The following CEP135 variants were observed in gnomAD, a reference collection of about 807,000 sequenced individuals.
CEP135 encodes centrosomal protein 135, also known as centrosomal protein of 135 kDa.
CEP135 carries 142 observed loss-of-function variants against 157.3 expected under a neutral mutation model. That is an observed-to-expected ratio of 0.90 (90% confidence interval 0.79 to 1.04). The LOEUF (loss-of-function observed/expected upper bound fraction) is 1.04, where lower values mean the gene tolerates loss of function less well. Among genes scored for constraint, CEP135 ranks in the 50% least tolerant of loss-of-function variants. The pLI is 0.00. For missense variants in CEP135, 1,317 were observed against 1,309.2 expected (o/e 1.01, Z -0.09); for synonymous variants, 396 against 439.8 (o/e 0.90, Z 1.25).
rs567801574 is a variant in CEP135, at chr4:55,955,293, T to A, written c.472+910T>A. ...AGAGCATGATGAGTACCAAAAGTAA[T>A]TTGTTTGCTATGAAGATTGCAGTCA... is the stretch of plus-strand genomic sequence containing the variant. On this transcript the variant is annotated intron_variant, in intron 4 of 25. Coordinates refer to ENST00000257287, the MANE Select transcript of CEP135 (RefSeq NM_025009.5). Among the ~76,000 whole-genome samples the A allele has an allele frequency of 5.3e-5, 8 of 152,274 alleles. No homozygotes were observed. In the East Asian group the frequency reaches 9.6e-4, roughly 18 times the overall value.
chr4:55,997,305 C>T (rs1024940283), intron 15 of CEP135, among the ~76,000 whole-genome samples: 5 of 152,110 alleles, frequency 3.3e-5, no homozygotes, highest in African/African-American at 1.2e-4. Context: ...TATAAAAAGA[C>T]GAAGCTACTT....
chr4:56,009,872 A>G lies in CEP135; in HGVS notation c.2474A>G (p.Asp825Gly). 2 of 1,613,786 alleles carry G rather than the reference A, an allele frequency of 1.2e-6. No homozygotes were observed. The highest frequency in any genetic ancestry group is 2.2e-5 in the East Asian group (1 of 44,870). Reference protein sequence around the residue: ...IAFKENRRLQDDLATMARENQ... With the variant: ...IAFKENRRLQGDLATMARENQ... ...TTTAAGGAAAACAGAAGACTGCAAGATGACCTGGCTACAATGGCAAGAGAA... is the reference window on the plus strand; with the variant it reads ...TTTAAGGAAAACAGAAGACTGCAAGGTGACCTGGCTACAATGGCAAGAGAA... Residue 825 changes from aspartate (D) to glycine (G), a missense_variant, in exon 19 of 26, where the codon GAT becomes GGT. Asp to Gly is a moderately conservative substitution (Grantham distance 94). Transcript: ENST00000257287.
intron 13 of CEP135, among the ~76,000 whole-genome samples, chr4:55,981,591 C>T (rs997308581): frequency 5.3e-5 from 8 of 152,078 alleles, no homozygotes; most frequent in Admixed American, 1.3e-4. Context: ...TCTTTAGCTT[C>T]TTTTGTAGTA....
At chr4:56,029,328 T>G (rs1731259816) in intron 25 of CEP135, among the ~76,000 whole-genome samples, 1 of 152,164 alleles carries the variant, frequency 6.6e-6, no homozygotes, top group African/African-American at 2.4e-5. Flanking sequence ...CCTCTCCTCT[T>G]TTTGGAAGTT....
chr4:55,980,066 T>G, intron 11 of CEP135, 77 bp from the exon 12 acceptor site: 1 of 1,162,464 alleles, frequency 8.6e-7, no homozygotes, highest in East Asian at 2.4e-5. Context: ...GTAGCATCTT[T>G]CAGTCAATCT....
chr4:55,991,793 T>C (rs1374244805), intron 14 of CEP135, 141 bp from the exon 15 acceptor site: 2 of 528,714 alleles, frequency 3.8e-6, no homozygotes, highest in Non-Finnish European at 6.4e-6. Flanking sequence ...GAACCTAAAC[T>C]GTACACATGA....
intron 15 of CEP135, among the ~76,000 whole-genome samples, chr4:55,998,614 C>T (rs1410199345): frequency 6.6e-6 from 1 of 152,172 alleles, no homozygotes; most frequent in Non-Finnish European, 1.5e-5. Flanking sequence ...CCTGTAATCC[C>T]AGCACTTTGG....
Position 55,971,285 on chromosome 4 carries a change from CA to C in CEP135, c.1127del (p.Gln376ArgfsTer7). 6.3e-7 allele frequency: 1 copy of C among 1,576,508 alleles called. No individual in the cohort carries two copies. Among genetic ancestry groups the C allele is most frequent in the East Asian group, 2.3e-5 (1 of 43,660 alleles). On this transcript the variant is annotated frameshift_variant, in exon 10 of 26. Transcript: ENST00000257287. LOFTEE classifies it high-confidence loss of function. ...AAATTTGCAGGAATTGAACTTATGC[CA>C]GAAAGAAAAGGAGAGACTGAGTGAT... ...AKLQLELNLC[Q>X]KEKERLSDEL...
At chr4:56,018,197 C>T (rs901133973) in intron 22 of CEP135, among the ~76,000 whole-genome samples, 5 of 152,078 alleles carry the variant, frequency 3.3e-5, no homozygotes, top group Admixed American at 2.6e-4. Flanking sequence ...CCGGGCTGGT[C>T]TCAAACTCCC....
intron 21 of CEP135, 112 bp from the exon 22 acceptor site, chr4:56,017,535 GC>G: frequency 1.1e-6 from 1 of 871,986 alleles, no homozygotes; most frequent in South Asian, 1.9e-5. Flanking sequence ...TTTAAAATAA[GC>G]AAAAATTGGC....
rs769209493 is a variant in CEP135, at chr4:55,991,949, T to C, written c.1873T>C (p.Tyr625His). 1.3e-6 allele frequency: 2 copies of C among 1,486,250 alleles called. No homozygotes were observed. The highest frequency in any genetic ancestry group is 1.8e-6 in the Non-Finnish European group (2 of 1,092,454). The allele number at this position is 1,486,250 out of a possible 1,614,324, so 92.1% of individuals were successfully genotyped here. Residue 625 changes from tyrosine to histidine, a missense_variant, in exon 15 of 26, where the codon TAT (tyrosine) becomes CAT (histidine). By Grantham distance (83) the Tyr-to-His change is moderately conservative (BLOSUM62 2). Coordinates refer to ENST00000257287, the MANE Select transcript of CEP135 (RefSeq NM_025009.5). The stretch of plus-strand genomic sequence containing the variant: ...TAAATTATAGCTTGAAAGCGAAAAA[T>C]ATGAATTAAAGTCTAAAGTGTTAAT... ...CVNHQLESEK[Y>H]ELKSKVLIMK... is the part of the protein sequence containing the mutation.
intron 11 of CEP135, among the ~76,000 whole-genome samples, chr4:55,978,068 G>A (rs1482695136): frequency 6.6e-6 from 1 of 152,126 alleles, no homozygotes; most frequent in African/African-American, 2.4e-5. Context: ...GTGAAAGGGC[G>A]TTATTCACAA....
intron 17 of CEP135, among the ~76,000 whole-genome samples, chr4:56,006,871 G>A (rs1229587989): frequency 3.9e-5 from 6 of 151,982 alleles, no homozygotes; most frequent in Non-Finnish European, 7.4e-5. Flanking sequence ...AGTCTTCTCT[G>A]TCTGGCTTGT....
At chr4:55,954,082 G>A (rs1308637028) in intron 3 of CEP135, 134 bp from the exon 4 acceptor site, 1 of 672,476 alleles carries the variant, frequency 1.5e-6, no homozygotes, top group Non-Finnish European at 2.4e-6. Context: ...GAAGGAATAA[G>A]TGTCAACTAA....
intron 13 of CEP135, among the ~76,000 whole-genome samples, chr4:55,984,656 A>T (rs1308685667): frequency 2.0e-5 from 3 of 152,214 alleles, no homozygotes; most frequent in Non-Finnish European, 4.4e-5. Context: ...TGAACATCAG[A>T]TGTGTCTGTT....
chr4:55,996,323 T>G (rs1729968974), intron 15 of CEP135, among the ~76,000 whole-genome samples: 1 of 152,136 alleles, frequency 6.6e-6, no homozygotes, highest in Non-Finnish European at 1.5e-5. Flanking sequence ...GGTCTCACAA[T>G]GTTGCCCAGG....
chr4:55,999,472 C>G lies in CEP135; in HGVS notation c.2126-19C>G, dbSNP rs200424778. 2.7e-4 allele frequency: 439 copies of G among 1,611,754 alleles called. No individual in the cohort carries two copies. The highest frequency in any genetic ancestry group is 3.6e-4 in the Non-Finnish European group (419 of 1,179,364). The stretch of plus-strand genomic sequence containing the variant: ...ATCCTAATGTACTTTGTCTAACAAA[C>G]ATTTCTTTTCATTTGTAGATGAACT... On this transcript the variant is annotated intron_variant, in intron 16 of 25. Transcript: ENST00000257287.
intron 10 of CEP135, among the ~76,000 whole-genome samples, chr4:55,972,269 C>T (rs1698045802): frequency 6.6e-6 from 1 of 152,176 alleles, no homozygotes; most frequent in African/African-American, 2.4e-5. Context: ...AAACAAAATA[C>T]ATAAGGGCCC....
chr4:56,025,386 C>CTAT, intron 25 of CEP135, among the ~76,000 whole-genome samples: 1 of 152,108 alleles, frequency 6.6e-6, no homozygotes, highest in Non-Finnish European at 1.5e-5. Context: ...TAAATTCAGG[C>CTAT]TACAAATAAT....
Sources: allele counts gnomAD v4.1 joint callset (sites outside exome capture counted in the v4.1 genomes callset), GRCh38; gene constraint gnomAD v4.1.1; transcripts MANE v1.5; gene names NCBI Gene and HGNC (gene_info 2026-07-23, HGNC 2026-07-21).